Variants in ZC3H11A observed in about 807,000 individuals in gnomAD.
ZC3H11A encodes zinc finger CCCH domain-containing protein 11A.
A neutral mutation model predicts 90.8 loss-of-function variants in ZC3H11A; 22 were observed. That is an observed-to-expected ratio of 0.24 (90% CI 0.17 to 0.35). The LOEUF is 0.35. ZC3H11A is among the 10% of genes least tolerant of loss of function. The pLI, the probability that ZC3H11A is intolerant of heterozygous loss-of-function variation, is 1.00. For synonymous variants in ZC3H11A, 294 were observed against 339.8 expected, an observed-to-expected ratio of 0.87 and a Z score of 1.48; for missense variants, 701 against 964.9, an observed-to-expected ratio of 0.73 and a Z score of 3.62.
chr1:203,825,692 T>G (rs953824934), intron 4 of ZC3H11A, among the ~76,000 whole-genome samples: 1 of 152,080 alleles, frequency 6.6e-6, no homozygotes, highest in African/African-American at 2.4e-5. Flanking sequence ...CCCAAAGTGT[T>G]GAGATTACAG....
At position 203,802,363 on chromosome 1, in the gene ZC3H11A, A is replaced by G. The variant is rs1670779781; in HGVS notation, c.-799A>G. ...ATTTTTATAATGAACCCAAATCTAA[A>G]GTCTTTTATAGTGCATTTTAAAAGG... On this transcript the variant is annotated 5_prime_UTR_variant, in exon 2 of 18. Transcript: ENST00000367210. 6.6e-6 allele frequency: 1 copy of G among 152,562 alleles called. No individual in the cohort carries two copies. The highest frequency in any genetic ancestry group is 1.5e-5 in the Non-Finnish European group (1 of 68,018). The allele number at this position is 152,562 out of a possible 1,614,324, so 9.5% of individuals were successfully genotyped here.
chr1:203,796,048 A>AC (rs1558083748), intron 1 of ZC3H11A: 1 of 7,798 alleles, frequency 1.3e-4, no homozygotes, highest in African/African-American at 5.0e-4. Context: ...CGTTCACCCC[A>AC]CCCCCACGGC....
At chr1:203,818,828 G>A in intron 4 of ZC3H11A, 139 bp downstream of exon 4, 1 of 1,332,972 alleles carries the variant, frequency 7.5e-7, no homozygotes, top group South Asian at 1.4e-5. Context: ...CCAGCACTTT[G>A]GGAGGCTGAG....
chr1:203,798,762 A>G (rs755082101), intron 1 of ZC3H11A: 21 of 1,536,194 alleles, frequency 1.4e-5, no homozygotes, highest in South Asian at 7.1e-5. Flanking sequence ...AAGTCAGGCA[A>G]TTATCCAAAT....
At chr1:203,820,032 C>CGAGATCAGGAGTTT (rs1677983301) in intron 4 of ZC3H11A, among the ~76,000 whole-genome samples, 1 of 151,044 alleles carries the variant, frequency 6.6e-6, no homozygotes, top group African/African-American at 2.4e-5. Context: ...ATCAGGAGTT[C>CGAGATCAGGAGTTT]GAGACCAGCC....
rs150416242 is a variant in ZC3H11A at position 203,802,714 on chromosome 1, C to CTTTTTTT, written c.-445_-439dup. The CTTTTTTT allele has an allele frequency of 3.8e-5, 5 of 131,646 alleles. No individual in the cohort carries two copies. Among genetic ancestry groups the CTTTTTTT allele is most frequent in the African/African-American group, 1.4e-4 (5 of 36,462 alleles). 8.2% of individuals were successfully genotyped at this position (131,646 alleles called of 1,614,324 possible). On this transcript the variant is annotated 5_prime_UTR_variant, in exon 2 of 18. An upstream open reading frame in the 5' UTR loses its in-frame stop. Coordinates refer to ENST00000367210, the MANE Select transcript of ZC3H11A (RefSeq NM_001376342.1). ...TCTCAAGTTCATCTTTAAATGAACT[C>CTTTTTTT]TTTTTTTTTGTTTTTTTTTTGTTTT...
At chr1:203,851,968 C>CAA (rs57160781) in intron 17 of ZC3H11A, among the ~76,000 whole-genome samples, 173 bp from the exon 18 acceptor site, 11 of 45,838 alleles carry the variant, frequency 2.4e-4, no homozygotes, top group Admixed American at 3.9e-4. Flanking sequence ...GACTCTGCCT[C>CAA]AAAAAAAAAA....
intron 4 of ZC3H11A, among the ~76,000 whole-genome samples, chr1:203,827,115 C>T (rs1680777097): frequency 6.6e-6 from 1 of 152,112 alleles, no homozygotes; most frequent in Admixed American, 6.5e-5. Flanking sequence ...TTGAGTATAG[C>T]AATGGTTTAT....
chr1:203,829,937 A>C (rs1291274288), intron 7 of ZC3H11A, 41 bp downstream of exon 7: 1 of 1,558,682 alleles, frequency 6.4e-7, no homozygotes, highest in Admixed American at 1.7e-5. Flanking sequence ...AGCACTGTTG[A>C]AACTACCTTT....
At chr1:203,836,700 C>T (rs925643502) in intron 10 of ZC3H11A, among the ~76,000 whole-genome samples, 5 of 152,214 alleles carry the variant, frequency 3.3e-5, no homozygotes, top group Non-Finnish European at 4.4e-5. Flanking sequence ...CGCTTGAACC[C>T]GGGAGGTGGA....
chr1:203,837,112 T>C (rs1448978241), intron 10 of ZC3H11A, among the ~76,000 whole-genome samples: 1 of 151,924 alleles, frequency 6.6e-6, no homozygotes, highest in African/African-American at 2.4e-5. Flanking sequence ...CTGGGCAACA[T>C]GGCAAACCCT....
At chr1:203,821,254 CATAATT>C (rs1388126690) in intron 4 of ZC3H11A, among the ~76,000 whole-genome samples, 1 of 152,134 alleles carries the variant, frequency 6.6e-6, no homozygotes, top group Non-Finnish European at 1.5e-5. Flanking sequence ...CACCTCCTGC[CATAATT>C]ATAAGTTTCC....
intron 1 of ZC3H11A, 81 bp downstream of exon 1, chr1:203,795,875 C>T (rs973212388): frequency 1.3e-5 from 2 of 151,800 alleles, no homozygotes; most frequent in African/African-American, 4.8e-5. Context: ...TGGCAGCGGC[C>T]TCCCCTCGCC....
chr1:203,843,865 C>T (rs1331535876), intron 12 of ZC3H11A, among the ~76,000 whole-genome samples: 2 of 150,486 alleles, frequency 1.3e-5, no homozygotes, highest in Non-Finnish European at 1.5e-5. Context: ...GGGATTTCTT[C>T]TTTTTTTTTG....
chr1:203,840,823 G>A (rs1045856252), intron 12 of ZC3H11A, among the ~76,000 whole-genome samples: 2 of 151,812 alleles, frequency 1.3e-5, no homozygotes, highest in Admixed American at 6.6e-5. Context: ...TAGTAGAGAC[G>A]GGGTTTCACC....
intron 4 of ZC3H11A, among the ~76,000 whole-genome samples, chr1:203,826,053 CA>C (rs2102960064): frequency 6.6e-6 from 1 of 152,176 alleles, no homozygotes; most frequent in African/African-American, 2.4e-5. Context: ...AAAATTTAAG[CA>C]AAGGTAGGCT....
chr1:203,833,618 GTTTTT>G (rs553171669), intron 9 of ZC3H11A, among the ~76,000 whole-genome samples, 168 bp from the exon 10 acceptor site: 5 of 124,832 alleles, frequency 4.0e-5, no homozygotes, highest in African/African-American at 1.2e-4. Context: ...ATAGGTTTGG[GTTTTT>G]TTTTTTTTTT....
At chr1:203,820,112 G>T (rs1300087974) in intron 4 of ZC3H11A, among the ~76,000 whole-genome samples, 1 of 151,710 alleles carries the variant, frequency 6.6e-6, no homozygotes, top group East Asian at 2.0e-4. Context: ...GCACGCGTCT[G>T]TAATCCCAGC....
chr1:203,819,108 A>ACG (rs1677411351), intron 4 of ZC3H11A, among the ~76,000 whole-genome samples: 1 of 150,338 alleles, frequency 6.7e-6, no homozygotes, highest in South Asian at 2.1e-4. Context: ...ACACACACAC[A>ACG]CACACACACA....
Sources: gnomAD v4.1 joint callset for allele counts (sites outside exome capture counted in the v4.1 genomes callset) on GRCh38, gnomAD v4.1.1 for gene constraint, MANE v1.5 for transcripts, NCBI Gene and HGNC (gene_info 2026-07-23, HGNC 2026-07-21) for gene names.